LINGO2: variants seen among roughly 807,000 people sequenced by gnomAD.
LINGO2 encodes the protein leucine-rich repeat and immunoglobulin-like domain-containing nogo receptor-interacting protein 2.
Under a neutral mutation model 30.6 loss-of-function variants are expected in LINGO2, and 14 were observed. The ratio of observed to expected loss-of-function variants is 0.46; its 90% confidence interval spans 0.30 to 0.72. The LOEUF is 0.72. Ranked by LOEUF, LINGO2 falls within the 30% of genes least tolerant of loss-of-function variation. The pLI is 0.07. For synonymous variants in LINGO2, 317 were observed against 288.5 expected (o/e 1.10, Z -1.00); for missense variants, 729 against 751.7 (o/e 0.97, Z 0.35).
chr9:28,057,570 TA>T (rs2133104763), intron 4 of LINGO2, among the ~76,000 whole-genome samples: 2 of 22,020 alleles, frequency 9.1e-5, no homozygotes, highest in African/African-American at 1.9e-4. Context: ...TATATACATA[TA>T]TATACACATA....
intron 4 of LINGO2, among the ~76,000 whole-genome samples, chr9:28,153,221 T>A (rs2133563943): frequency 6.6e-6 from 1 of 152,292 alleles, no homozygotes; most frequent in Non-Finnish European, 1.5e-5. Flanking sequence ...TAATTTTATT[T>A]AATTAACATT....
chr9:27,968,771 T>A, intron 5 of LINGO2, among the ~76,000 whole-genome samples: 2 of 151,914 alleles, frequency 1.3e-5, no homozygotes, highest in South Asian at 4.2e-4. Flanking sequence ...TTAGCCACAT[T>A]ATAAAGTTAG....
At chr9:29,116,044 G>GA in the LINGO2 span, among the ~76,000 whole-genome samples, 1 of 151,794 alleles carries the variant, frequency 6.6e-6, no homozygotes. Flanking sequence ...AGGAGTACTA[G>GA]AAAAAAATAG....
intron 4 of LINGO2, among the ~76,000 whole-genome samples, chr9:28,169,047 C>A (rs1254511221): frequency 6.6e-6 from 1 of 152,170 alleles, no homozygotes; most frequent in Non-Finnish European, 1.5e-5. Context: ...TCAACTCTTT[C>A]AAGCTTTTGA....
the LINGO2 span, among the ~76,000 whole-genome samples, chr9:29,051,855 T>G: frequency 1.3e-5 from 2 of 152,144 alleles, no homozygotes; most frequent in Admixed American, 6.6e-5. Flanking sequence ...TGTTATAAAT[T>G]TTTCATCTCT....
At chr9:28,811,967 TA>T in the LINGO2 span, among the ~76,000 whole-genome samples, 1 of 152,130 alleles carries the variant, frequency 6.6e-6, no homozygotes, top group South Asian at 2.1e-4. Context: ...ATTCATTGAA[TA>T]AGTAAACTCT....
intron 4 of LINGO2, among the ~76,000 whole-genome samples, chr9:28,060,566 C>T (rs1469977851): frequency 6.6e-6 from 1 of 152,124 alleles, no homozygotes; most frequent in African/African-American, 2.4e-5. Flanking sequence ...TGATTTTAAC[C>T]TAGCAGTCTG....
At chr9:28,653,561 C>A (rs770761947) in intron 1 of LINGO2, among the ~76,000 whole-genome samples, 1 of 152,114 alleles carries the variant, frequency 6.6e-6, no homozygotes, top group African/African-American at 2.4e-5. Context: ...TGGTTCTATA[C>A]TCAGTGTTTT....
chr9:28,810,859 T>C, the LINGO2 span, among the ~76,000 whole-genome samples: 1 of 152,138 alleles, frequency 6.6e-6, no homozygotes. Context: ...TCCTTGTCTC[T>C]TGGGGGTGAG....
At chr9:28,914,084 T>A in the LINGO2 span, among the ~76,000 whole-genome samples, 1 of 152,130 alleles carries the variant, frequency 6.6e-6, no homozygotes. Context: ...TGATAAAGCA[T>A]ACAACAAGAA....
chr9:28,989,527 T>A, the LINGO2 span, among the ~76,000 whole-genome samples: 1 of 152,144 alleles, frequency 6.6e-6, no homozygotes, highest in Non-Finnish European at 1.5e-5. Flanking sequence ...CTTGATTGCC[T>A]AGGATATTCC....
intron 4 of LINGO2, among the ~76,000 whole-genome samples, chr9:28,094,094 A>T (rs1296128315): frequency 2.0e-5 from 3 of 152,164 alleles, no homozygotes; most frequent in Non-Finnish European, 4.4e-5. Flanking sequence ...CAAATGTTAC[A>T]TATAATTAGC....
the LINGO2 span, among the ~76,000 whole-genome samples, chr9:28,738,451 C>T: frequency 6.6e-6 from 1 of 152,204 alleles, no homozygotes. Flanking sequence ...ATTTAATATA[C>T]ATAAACTTTC....
At chr9:28,447,017 C>A (rs940162680) in intron 2 of LINGO2, among the ~76,000 whole-genome samples, 1 of 152,130 alleles carries the variant, frequency 6.6e-6, no homozygotes, top group East Asian at 1.9e-4. Flanking sequence ...TCTGCCCTCC[C>A]CCTCAGTGCC....
At chr9:28,235,373 T>C (rs186944542) in intron 4 of LINGO2, among the ~76,000 whole-genome samples, 2 of 152,124 alleles carry the variant, frequency 1.3e-5, no homozygotes, top group African/African-American at 4.8e-5. Context: ...GAAGGACATA[T>C]GCAAACAAGC....
chr9:28,654,489 G>T (rs549568380), intron 1 of LINGO2, among the ~76,000 whole-genome samples: 4 of 65,912 alleles, frequency 6.1e-5, no homozygotes, highest in Non-Finnish European at 1.1e-4. Flanking sequence ...GATTGATTGA[G>T]TATCAGGAGA....
At chr9:28,971,995 G>C in the LINGO2 span, among the ~76,000 whole-genome samples, 1 of 152,218 alleles carries the variant, frequency 6.6e-6, no homozygotes, top group Non-Finnish European at 1.5e-5. Flanking sequence ...GAGAACAAGA[G>C]TCTCTACCTG....
intron 3 of LINGO2, among the ~76,000 whole-genome samples, chr9:28,331,627 T>A (rs1825421458): frequency 1.3e-5 from 2 of 152,034 alleles, no homozygotes; most frequent in Non-Finnish European, 2.9e-5. Flanking sequence ...AGCCTTAGTC[T>A]CCCAAGTAGT....
At chr9:29,167,341 G>C in the LINGO2 span, among the ~76,000 whole-genome samples, 3 of 152,128 alleles carry the variant, frequency 2.0e-5, no homozygotes, top group East Asian at 5.8e-4. Flanking sequence ...TTCTGTTTTC[G>C]TACTTAAATT....
Sources: gnomAD v4.1 joint callset for allele counts (sites outside exome capture counted in the v4.1 genomes callset) on GRCh38, gnomAD v4.1.1 for gene constraint, MANE v1.5 for transcripts, NCBI Gene and HGNC (gene_info 2026-07-23, HGNC 2026-07-21) for gene names.